Variants in LRMDA observed in about 807,000 individuals in gnomAD.
The protein encoded by LRMDA is leucine rich melanocyte differentiation associated.
In LRMDA, 18 loss-of-function variants were observed where a neutral mutation model predicts 29.8. The ratio of observed to expected loss-of-function variants is 0.60; its 90% confidence interval spans 0.42 to 0.90. LRMDA has a LOEUF of 0.90. Ranked by LOEUF, LRMDA falls within the 40% of genes least tolerant of loss-of-function variation. The pLI is 0.00. For missense variants in LRMDA, 273 were observed against 273.9 expected (o/e 1.00, Z 0.02); for synonymous variants, 125 against 109.4 (o/e 1.14, Z -0.89).
In LRMDA at chr10:76,367,728, G is replaced by A. The variant is rs528387372; in HGVS notation, c.601+43243G>A. Among the ~76,000 whole-genome samples the A allele has an allele frequency of 3.3e-5, 5 of 152,266 alleles. No homozygotes were observed. In the South Asian group the frequency reaches 1.0e-3, roughly 32 times the overall value. On this transcript the variant is annotated intron_variant, in intron 6 of 6. Transcript: ENST00000611255. Reference sequence around the variant, plus strand: ...CTCCCAAAGTGCTGGGATTACAGGTGTGAGCCACCGCGCCTGGCTGGTAAT... The same window carrying A: ...CTCCCAAAGTGCTGGGATTACAGGTATGAGCCACCGCGCCTGGCTGGTAAT...
At chr10:75,432,193 C>T (rs1383491817) in intron 1 of LRMDA, among the ~76,000 whole-genome samples, 1 of 152,212 alleles carries the variant, frequency 6.6e-6, no homozygotes, top group Non-Finnish European at 1.5e-5. Flanking sequence ...TACAAATTTA[C>T]TTATTTGTAA....
intron 2 of LRMDA, among the ~76,000 whole-genome samples, chr10:75,840,135 C>T (rs572379827): frequency 3.4e-4 from 52 of 152,274 alleles, no homozygotes; most frequent in African/African-American, 1.2e-3. Context: ...TCTTTCCCTT[C>T]CTTCTCTTCG....
At chr10:76,353,146 G>T (rs1006235225) in intron 6 of LRMDA, among the ~76,000 whole-genome samples, 2 of 152,054 alleles carry the variant, frequency 1.3e-5, no homozygotes, top group Non-Finnish European at 2.9e-5. Context: ...AGGAGTGATT[G>T]CTATACTGTA....
chr10:76,267,759 T>G (rs1371835851), intron 5 of LRMDA, among the ~76,000 whole-genome samples: 1 of 152,210 alleles, frequency 6.6e-6, no homozygotes, highest in African/African-American at 2.4e-5. Flanking sequence ...ACCAGTTTTG[T>G]GTGAAATGTC....
intron 5 of LRMDA, among the ~76,000 whole-genome samples, chr10:76,061,198 A>G (rs1848696432): frequency 6.6e-6 from 1 of 152,244 alleles, no homozygotes; most frequent in Non-Finnish European, 1.5e-5. Context: ...GCCATACAAA[A>G]GAACGAGATC....
In LRMDA at chr10:76,364,011, T is replaced by C. The variant is rs150374039; in HGVS notation, c.601+39526T>C. ...TAAAAAAGGGATAATGATTGCATGA[T>C]TTCCATATTTATAGGGTTGTTGATG... is the stretch of plus-strand genomic sequence containing the variant. On this transcript the variant is annotated intron_variant, in intron 6 of 6. Coordinates refer to ENST00000611255, the MANE Select transcript of LRMDA (RefSeq NM_001305581.2). Among the ~76,000 whole-genome samples, 478 of 152,238 alleles carry C rather than the reference T, an allele frequency of 3.1e-3. 4 individuals carry two copies. Among genetic ancestry groups the C allele is most frequent in the African/African-American group, 0.011 (448 of 41,534 alleles).
intron 6 of LRMDA, among the ~76,000 whole-genome samples, chr10:76,351,832 G>A (rs183523112): frequency 6.6e-5 from 10 of 152,214 alleles, no homozygotes; most frequent in South Asian, 2.1e-4. Context: ...TCACTAGGCC[G>A]GACTCCTGTA....
At chr10:75,972,672 A>T (rs1487874057) in intron 2 of LRMDA, among the ~76,000 whole-genome samples, 9 of 152,130 alleles carry the variant, frequency 5.9e-5, no homozygotes, top group Admixed American at 5.9e-4. Context: ...GCAGACAGCA[A>T]TCTCTGGATT....
chr10:75,859,614 CA>C (rs1564588808), intron 2 of LRMDA, among the ~76,000 whole-genome samples: 1 of 146,694 alleles, frequency 6.8e-6, no homozygotes, highest in East Asian at 2.2e-4. Context: ...CACACACACA[CA>C]CACACACACA....
intron 2 of LRMDA, among the ~76,000 whole-genome samples, chr10:75,514,763 ATGC>A (rs1334187592): frequency 6.6e-6 from 1 of 152,192 alleles, no homozygotes; most frequent in East Asian, 1.9e-4. Context: ...CCAGATACAG[ATGC>A]TGCTGCCATG....
chr10:76,310,193 G>C (rs1840612396), intron 5 of LRMDA, among the ~76,000 whole-genome samples: 1 of 152,136 alleles, frequency 6.6e-6, no homozygotes, highest in South Asian at 2.1e-4. Flanking sequence ...CTGAATGCCA[G>C]CTCATTATTT....
At chr10:76,376,179 T>C (rs1444721647) in intron 6 of LRMDA, among the ~76,000 whole-genome samples, 1 of 152,110 alleles carries the variant, frequency 6.6e-6, no homozygotes, top group Non-Finnish European at 1.5e-5. Context: ...GCCTCCAGTG[T>C]CTATTATTCC....
At chr10:76,001,149 C>G (rs535658467) in intron 2 of LRMDA, among the ~76,000 whole-genome samples, 3 of 152,196 alleles carry the variant, frequency 2.0e-5, no homozygotes, top group African/African-American at 7.2e-5. Context: ...GAAATTCTTT[C>G]GCATTGTCTG....
At chr10:75,498,510 C>T (rs1426898166) in intron 2 of LRMDA, among the ~76,000 whole-genome samples, 1 of 152,170 alleles carries the variant, frequency 6.6e-6, no homozygotes, top group African/African-American at 2.4e-5. Flanking sequence ...AGTCCCTTGA[C>T]ATTTAAGGAG....
intron 2 of LRMDA, among the ~76,000 whole-genome samples, chr10:75,551,349 T>C (rs1335340129): frequency 5.3e-5 from 8 of 152,108 alleles, no homozygotes. Flanking sequence ...TTATTTTTTA[T>C]AATACTTTAA....
chr10:75,751,641 A>G lies in LRMDA; in HGVS notation c.132-284367A>G, dbSNP rs1040650882. Among the ~76,000 whole-genome samples the G allele has an allele frequency of 5.9e-5, 9 of 152,226 alleles. No homozygotes were observed. In the East Asian group the frequency reaches 1.7e-3, roughly 29 times the overall value. The stretch of plus-strand genomic sequence containing the variant: ...AAGCACCAAATAAATGTTGGTGGCT[A>G]TTGCTATGGTCCTCACCATCACTGT... On this transcript the variant is annotated intron_variant, in intron 2 of 6. Transcript: ENST00000611255.
chr10:76,235,068 T>C (rs1170138230), intron 5 of LRMDA, among the ~76,000 whole-genome samples: 1 of 152,238 alleles, frequency 6.6e-6, no homozygotes, highest in Non-Finnish European at 1.5e-5. Context: ...TAATCATTTC[T>C]AGCTTTTGAT....
At chr10:75,830,804 A>G (rs1031834014) in intron 2 of LRMDA, among the ~76,000 whole-genome samples, 1 of 152,200 alleles carries the variant, frequency 6.6e-6, no homozygotes, top group Admixed American at 6.5e-5. Context: ...CCTTCCCAAC[A>G]GTCCCCCAAA....
intron 2 of LRMDA, among the ~76,000 whole-genome samples, chr10:75,540,731 G>C (rs946678794): frequency 6.6e-6 from 1 of 152,158 alleles, no homozygotes; most frequent in African/African-American, 2.4e-5. Context: ...GTAATTAGTT[G>C]TGTATGTGAT....
Sources: allele counts gnomAD v4.1 joint callset (sites outside exome capture counted in the v4.1 genomes callset), GRCh38; gene constraint gnomAD v4.1.1; transcripts MANE v1.5; gene names NCBI Gene and HGNC (gene_info 2026-07-23, HGNC 2026-07-21).